The following SLC24A3 variants were observed in gnomAD, a reference collection of about 807,000 sequenced individuals.
The protein encoded by SLC24A3 is solute carrier family 24 member 3.
Under a neutral mutation model 75.8 loss-of-function variants are expected in SLC24A3, and 28 were observed. That is an observed-to-expected ratio of 0.37 (90% CI 0.27 to 0.51). The LOEUF (loss-of-function observed/expected upper bound fraction) is 0.51, where lower values mean the gene tolerates loss of function less well. SLC24A3 is among the 20% of genes least tolerant of loss of function. The pLI, the probability that SLC24A3 is intolerant of heterozygous loss-of-function variation, is 0.94. For synonymous variants in SLC24A3, 372 were observed against 334.1 expected (o/e 1.11, Z -1.24); for missense variants, 663 against 847.8 (o/e 0.78, Z 2.71).
At chr20:19,477,984 T>C (rs1472089335) in intron 2 of SLC24A3, among the ~76,000 whole-genome samples, 1 of 152,242 alleles carries the variant, frequency 6.6e-6, no homozygotes, top group Non-Finnish European at 1.5e-5. Flanking sequence ...CCCAGGTCCC[T>C]GGACATCAAT....
At chr20:19,281,456 A>G (rs1983662688) in intron 2 of SLC24A3, among the ~76,000 whole-genome samples, 1 of 152,228 alleles carries the variant, frequency 6.6e-6, no homozygotes, top group Admixed American at 6.5e-5. Context: ...GTTTTTAATC[A>G]GGAACTTTGT....
chr20:19,592,975 T>C (rs1398414227), intron 6 of SLC24A3, among the ~76,000 whole-genome samples: 2 of 152,086 alleles, frequency 1.3e-5, no homozygotes, highest in African/African-American at 4.8e-5. Context: ...TTTGTATTTT[T>C]AGTAGGGACA....
chr20:19,629,652 A>G (rs2031909981), intron 6 of SLC24A3, among the ~76,000 whole-genome samples: 1 of 152,232 alleles, frequency 6.6e-6, no homozygotes, highest in Non-Finnish European at 1.5e-5. Context: ...GAAAGCAGCA[A>G]GAGAAAAGTG....
chr20:19,401,763 G>A (rs1986555831), intron 2 of SLC24A3, among the ~76,000 whole-genome samples: 1 of 152,184 alleles, frequency 6.6e-6, no homozygotes, highest in Non-Finnish European at 1.5e-5. Context: ...TAATGCCCTT[G>A]TCCAAGAATC....
chr20:19,348,431 C>G (rs2207091), intron 2 of SLC24A3, among the ~76,000 whole-genome samples: 61,721 of 151,900 alleles, frequency 0.41, 12,847 homozygotes, highest in Middle Eastern at 0.55. Context: ...AGACAGTCCA[C>G]GTATAGGGCA....
chr20:19,525,816 C>T (rs2030188791), intron 3 of SLC24A3, among the ~76,000 whole-genome samples: 1 of 152,308 alleles, frequency 6.6e-6, no homozygotes, highest in East Asian at 1.9e-4. Flanking sequence ...TCAGCTGAAG[C>T]TCCCAGCCTG....
At chr20:19,263,718 A>G (rs1568572431) in intron 1 of SLC24A3, among the ~76,000 whole-genome samples, 3 of 152,162 alleles carry the variant, frequency 2.0e-5, no homozygotes, top group Non-Finnish European at 4.4e-5. Context: ...TTTCCATTCA[A>G]CCTTGCTATT....
At chr20:19,405,829 G>C (rs1276172331) in intron 2 of SLC24A3, among the ~76,000 whole-genome samples, 1 of 152,210 alleles carries the variant, frequency 6.6e-6, no homozygotes, top group African/African-American at 2.4e-5. Context: ...TAAAGTGAAG[G>C]TGTCTTATTT....
intron 6 of SLC24A3, among the ~76,000 whole-genome samples, chr20:19,609,859 T>G (rs1173258764): frequency 6.6e-6 from 1 of 152,336 alleles, no homozygotes; most frequent in East Asian, 1.9e-4. Flanking sequence ...TTTGGAGCTG[T>G]GTGCCTGTGA....
chr20:19,237,256 T>C (rs1441127510), intron 1 of SLC24A3, among the ~76,000 whole-genome samples: 1 of 152,166 alleles, frequency 6.6e-6, no homozygotes, highest in Non-Finnish European at 1.5e-5. Flanking sequence ...CTGGTGCTCC[T>C]GGGCCTGCAG....
At chr20:19,411,985 T>C (rs1986750733) in intron 2 of SLC24A3, among the ~76,000 whole-genome samples, 1 of 152,220 alleles carries the variant, frequency 6.6e-6, no homozygotes, top group Non-Finnish European at 1.5e-5. Context: ...TTACTTGTTC[T>C]TCACTGTATT....
intron 2 of SLC24A3, among the ~76,000 whole-genome samples, chr20:19,465,037 T>A (rs887485492): frequency 2.6e-5 from 4 of 152,176 alleles, no homozygotes; most frequent in Non-Finnish European, 4.4e-5. Context: ...ATGTGGCTGG[T>A]GCAACTGAAG....
chr20:19,393,592 A>G (rs1160247723), intron 2 of SLC24A3, among the ~76,000 whole-genome samples: 1 of 152,190 alleles, frequency 6.6e-6, no homozygotes, highest in East Asian at 1.9e-4. Flanking sequence ...CCAAGAAAAC[A>G]ATTTTATTTA....
intron 2 of SLC24A3, among the ~76,000 whole-genome samples, chr20:19,322,352 T>A (rs1293683913): frequency 9.7e-6 from 1 of 103,138 alleles, no homozygotes; most frequent in Non-Finnish European, 1.9e-5. Flanking sequence ...GAGCCTTCTT[T>A]CCTTCCTTCC....
chr20:19,479,287 C>T (rs556088249), intron 2 of SLC24A3, among the ~76,000 whole-genome samples: 18 of 152,344 alleles, frequency 1.2e-4, no homozygotes, highest in Non-Finnish European at 2.1e-4. Flanking sequence ...TACTCATTGC[C>T]CATCTTCCAC....
At chr20:19,373,782 G>A (rs1986030504) in intron 2 of SLC24A3, among the ~76,000 whole-genome samples, 1 of 152,102 alleles carries the variant, frequency 6.6e-6, no homozygotes, top group Admixed American at 6.6e-5. Flanking sequence ...CCTGGAGTGG[G>A]TGGGCTTCTG....
At chr20:19,511,055 C>G (rs547127981) in intron 2 of SLC24A3, among the ~76,000 whole-genome samples, 4 of 152,178 alleles carry the variant, frequency 2.6e-5, no homozygotes, top group South Asian at 2.1e-4. Context: ...CGGAGCCCCC[C>G]ACCCTGCTGC....
chr20:19,618,077 A>T (rs2031759481), intron 6 of SLC24A3, among the ~76,000 whole-genome samples: 1 of 152,036 alleles, frequency 6.6e-6, no homozygotes, highest in Non-Finnish European at 1.5e-5. Flanking sequence ...TTCGCAGGAA[A>T]GGAGTGTCAG....
At chr20:19,398,286 A>G (rs1568608027) in intron 2 of SLC24A3, among the ~76,000 whole-genome samples, 1 of 152,176 alleles carries the variant, frequency 6.6e-6, no homozygotes, top group African/African-American at 2.4e-5. Context: ...TATCTTAGTA[A>G]TAATGAGTCT....
Sources: gnomAD v4.1 joint callset for allele counts (sites outside exome capture counted in the v4.1 genomes callset) on GRCh38, gnomAD v4.1.1 for gene constraint, MANE v1.5 for transcripts, NCBI Gene and HGNC (gene_info 2026-07-23, HGNC 2026-07-21) for gene names.